The following IL21 variants were observed in gnomAD, a reference collection of about 807,000 sequenced individuals.
IL21 encodes the protein interleukin 21.
In IL21, 3 loss-of-function variants were observed where a neutral mutation model predicts 18.4. That is an observed-to-expected ratio of 0.16 (90% CI 0.07 to 0.42). The LOEUF is 0.42. IL21 is among the 10% of genes least tolerant of loss of function. IL21 has a pLI of 0.99. For missense variants in IL21, 130 were observed against 188.4 expected (o/e 0.69, Z 1.81); for synonymous variants, 37 against 62.0 (o/e 0.60, Z 1.90).
Position 122,621,024 on chromosome 4 carries a change from T to C in IL21, c.-13A>G. ...GACTGGATCTCATAAGTACCAACAG[T>C]AGAGCTAGACCTTGGTCTCGTTTTC... is the stretch of plus-strand genomic sequence containing the variant. On this transcript the variant is annotated 5_prime_UTR_variant, in exon 1 of 5. Transcript: ENST00000648588. The C allele has an allele frequency of 6.2e-7, 1 of 1,612,596 alleles. No individual in the cohort carries two copies. Among genetic ancestry groups the C allele is most frequent in the Non-Finnish European group, 8.5e-7 (1 of 1,179,144 alleles).
chr4:122,620,495 A>C (rs1271758063), intron 2 of IL21, among the ~76,000 whole-genome samples: 1 of 152,216 alleles, frequency 6.6e-6, no homozygotes, highest in Non-Finnish European at 1.5e-5. Flanking sequence ...AACATAGTTT[A>C]TGAGGAATAT....
chr4:122,620,498 A>G (rs1364810194), intron 2 of IL21, among the ~76,000 whole-genome samples: 2 of 152,218 alleles, frequency 1.3e-5, no homozygotes, highest in African/African-American at 2.4e-5. Flanking sequence ...ATAGTTTATG[A>G]GGAATATAAT....
At chr4:122,620,319 G>A (rs1018434460) in intron 2 of IL21, among the ~76,000 whole-genome samples, 2 of 151,934 alleles carry the variant, frequency 1.3e-5, no homozygotes, top group East Asian at 1.9e-4. Flanking sequence ...ATGTTTCTTC[G>A]GTAGGATAAC....
intron 3 of IL21, among the ~76,000 whole-genome samples, 156 bp from the exon 4 acceptor site, chr4:122,613,084 C>T (rs1799284840): frequency 6.6e-6 from 1 of 151,908 alleles, no homozygotes; most frequent in Non-Finnish European, 1.5e-5. Context: ...GGAAAAAGTC[C>T]TTGTAATCCC....
At chr4:122,619,543 G>A (rs1799394289) in intron 2 of IL21, 1 of 152,220 alleles carries the variant, frequency 6.6e-6, no homozygotes, top group Non-Finnish European at 1.5e-5. Flanking sequence ...CTACAGCCAG[G>A]AAACTCTGGA....
In IL21 at chr4:122,610,616, C is replaced by T. The variant is rs1417749959; in HGVS notation, c.*2094G>A. ...AAAGAATAGACATTAGAGATTAAGT[C>T]CAGCACTCTCATTCTACAGATAAAG... On this transcript the variant is annotated 3_prime_UTR_variant, in exon 5 of 5. Transcript: ENST00000648588. 6.6e-6 allele frequency among the ~76,000 whole-genome samples: 1 copy of T among 152,162 alleles called. No individual in the cohort carries two copies. Among genetic ancestry groups the T allele is most frequent in the African/African-American group, 2.4e-5 (1 of 41,432 alleles).
At chr4:122,614,579 C>T (rs1030939424) in intron 3 of IL21, among the ~76,000 whole-genome samples, 5 of 151,868 alleles carry the variant, frequency 3.3e-5, no homozygotes, top group Non-Finnish European at 5.9e-5. Context: ...TGATGGTGTG[C>T]GCCTGTAGTT....
chr4:122,619,091 T>C (rs932087430), intron 2 of IL21: 3 of 152,184 alleles, frequency 2.0e-5, no homozygotes, highest in Non-Finnish European at 4.4e-5. Context: ...CCACTGGTTA[T>C]ATGATTAGAC....
intron 2 of IL21, chr4:122,619,906 A>G (rs555234138): frequency 9.2e-5 from 14 of 152,316 alleles, no homozygotes; most frequent in Non-Finnish European, 1.9e-4. Context: ...AGTTATTCTA[A>G]TTTATGCAAT....
chr4:122,620,937 G>T lies in IL21; in HGVS notation c.75C>A (p.His25Gln), dbSNP rs778852881. ...GATCTTGACCTTGGGAGCTTGATTTGTGGACCAGTGTCCCCAAGAAGATGA... is the reference window on the plus strand; with the variant it reads ...GATCTTGACCTTGGGAGCTTGATTTTTGGACCAGTGTCCCCAAGAAGATGA... ...LMVIFLGTLV[H>Q]KSSSQGQDRH... Residue 25 changes from histidine (H) to glutamine (Q), a missense_variant, in exon 1 of 5, where the codon CAC (histidine) becomes CAA (glutamine). Transcript: ENST00000648588. 6.2e-7 allele frequency: 1 copy of T among 1,613,974 alleles called. No individual in the cohort carries two copies. The highest frequency in any genetic ancestry group is 2.2e-5 in the East Asian group (1 of 44,866).
At position 122,620,744 on chromosome 4, in the gene IL21, A is replaced by G. The variant is rs1388742123; in HGVS notation, c.169-8T>C. 2 of 1,613,530 alleles carry G rather than the reference A, an allele frequency of 1.2e-6. No homozygotes were observed. Among genetic ancestry groups the G allele is most frequent in the Non-Finnish European group, 1.7e-6 (2 of 1,179,792 alleles). On this transcript the variant is annotated splice_region_variant and splice_polypyrimidine_tract_variant and intron_variant, in intron 1 of 4. Coordinates refer to ENST00000648588, the MANE Select transcript of IL21 (RefSeq NM_021803.4). The stretch of plus-strand genomic sequence containing the variant: ...TGGCAGAAATTCAGGGACCTAGAGC[A>G]AAAGAAAATTTGTTCTGAGTTATTT...
chr4:122,612,756 A>G lies in IL21; in HGVS notation c.443T>C (p.Ile148Thr), dbSNP rs781645316. The change falls in exon 5 of 5, where the codon ATT becomes ACT. Residue 148 changes from isoleucine to threonine, a missense_variant. By Grantham distance (89) the Ile-to-Thr change is moderately conservative (BLOSUM62 -1). Coordinates refer to ENST00000648588, the MANE Select transcript of IL21 (RefSeq NM_021803.4). ...TGTTCTAGAGGACAGATGCTGATGAATCATCTGTGGAAATAGTATACCGTG... is the reference window on the plus strand; with the variant it reads ...TGTTCTAGAGGACAGATGCTGATGAGTCATCTGTGGAAATAGTATACCGTG... Reference protein sequence around the residue: ...ERFKSLLQKMIHQHLSSRTHG... With the variant: ...ERFKSLLQKMTHQHLSSRTHG... 1.9e-6 allele frequency: 3 copies of G among 1,613,554 alleles called. No homozygotes were observed. The highest frequency in any genetic ancestry group is 1.3e-5 in the African/African-American group (1 of 74,910).
intron 3 of IL21, 28 bp from the exon 4 acceptor site, chr4:122,612,956 T>A: frequency 7.1e-7 from 1 of 1,406,022 alleles, no homozygotes; most frequent in Non-Finnish European, 9.7e-7. Flanking sequence ...AGTAACAGTC[T>A]TCTTTAAAAT....
intron 2 of IL21, 128 bp from the exon 3 acceptor site, chr4:122,615,965 G>A: frequency 1.3e-6 from 1 of 742,130 alleles, no homozygotes; most frequent in South Asian, 2.0e-5. Context: ...AGATGAGTGA[G>A]GTATGATTTC....
At chr4:122,613,919 G>A (rs1799300170) in intron 3 of IL21, among the ~76,000 whole-genome samples, 1 of 152,154 alleles carries the variant, frequency 6.6e-6, no homozygotes, top group Non-Finnish European at 1.5e-5. Flanking sequence ...GATTACTAGG[G>A]AGATTGAACA....
intron 2 of IL21, among the ~76,000 whole-genome samples, chr4:122,618,660 G>A (rs1560663637): frequency 6.6e-6 from 1 of 151,946 alleles, no homozygotes; most frequent in African/African-American, 2.4e-5. Flanking sequence ...ACAAAAATTA[G>A]CTGGGTGTGG....
At chr4:122,613,081 G>T (rs1278216553) in intron 3 of IL21, among the ~76,000 whole-genome samples, 153 bp from the exon 4 acceptor site, 3 of 152,000 alleles carry the variant, frequency 2.0e-5, no homozygotes, top group Non-Finnish European at 4.4e-5. Flanking sequence ...AATGGAAAAA[G>T]TCCTTGTAAT....
chr4:122,614,393 T>C (rs1053600088), intron 3 of IL21, among the ~76,000 whole-genome samples: 7 of 152,136 alleles, frequency 4.6e-5, no homozygotes, highest in Non-Finnish European at 8.8e-5. Context: ...GGAATGTTTT[T>C]GGAGGCAAAA....
rs931981493 is a variant in IL21 at position 122,611,602 on chromosome 4, A to C, written c.*1108T>G. Among the ~76,000 whole-genome samples the C allele has an allele frequency of 2.0e-5, 3 of 152,144 alleles. No homozygotes were observed. The highest frequency in any genetic ancestry group is 4.4e-5 in the Non-Finnish European group (3 of 68,006). ...GTAGAGTAGGTTGCTTGTTTTTACT[A>C]CCCAAGTCTGAAAGATTGGAATGCT... On this transcript the variant is annotated 3_prime_UTR_variant, in exon 5 of 5. Transcript: ENST00000648588.
Sources: gnomAD v4.1 joint callset for allele counts (sites outside exome capture counted in the v4.1 genomes callset) on GRCh38, gnomAD v4.1.1 for gene constraint, MANE v1.5 for transcripts, NCBI Gene and HGNC (gene_info 2026-07-23, HGNC 2026-07-21) for gene names.